The following DNAH5 variants were observed in gnomAD, a reference collection of about 807,000 sequenced individuals.
The protein encoded by DNAH5 is dynein axonemal heavy chain 5.
In DNAH5, 372 loss-of-function variants were observed where a neutral mutation model predicts 518.2. That is an observed-to-expected ratio of 0.72 (90% confidence interval 0.66 to 0.78). DNAH5 has a LOEUF of 0.78. DNAH5 is among the 30% of genes least tolerant of loss of function. The pLI is 0.00. For missense variants in DNAH5, 5,523 were observed against 5,687.0 expected (o/e 0.97, Z 0.93); for synonymous variants, 2,039 against 2,025.9 (o/e 1.01, Z -0.17).
At chr5:13,901,608 T>A (rs537598973) in intron 13 of DNAH5, 35 bp from the exon 14 acceptor site, 2 of 1,348,004 alleles carry the variant, frequency 1.5e-6, no homozygotes, top group East Asian at 4.9e-5. Flanking sequence ...CTTGAATTAA[T>A]GGAATAAAAT....
At chr5:13,794,137 A>G in intron 47 of DNAH5, 79 bp from the exon 48 acceptor site, 2 of 1,583,048 alleles carry the variant, frequency 1.3e-6, no homozygotes, top group Non-Finnish European at 1.7e-6. Context: ...AACAACAAAA[A>G]CTGGTAACCT....
rs6885732 is a variant in DNAH5 at position 13,920,789 on chromosome 5, T to C, written c.661-172A>G. ...TTTGTCCACGCTGCCCCCAGACTGA[T>C]GGGACCTTCCAACACTTCCCTGTGA... On this transcript the variant is annotated intron_variant, in intron 5 of 78. Coordinates refer to ENST00000265104, the MANE Select transcript of DNAH5 (RefSeq NM_001369.3). 0.45 allele frequency among the ~76,000 whole-genome samples: 67,598 copies of C among 151,866 alleles called. 15,982 individuals carry two copies. Among genetic ancestry groups the C allele is most frequent in the East Asian group, 0.85 (4,394 of 5,160 alleles).
intron 29 of DNAH5, among the ~76,000 whole-genome samples, chr5:13,859,965 A>T (rs1353655406): frequency 6.6e-6 from 1 of 152,156 alleles, no homozygotes; most frequent in Non-Finnish European, 1.5e-5. Context: ...TATTTCATGG[A>T]GTCTCTGGTT....
chr5:13,769,191 G>A, intron 57 of DNAH5, 55 bp from the exon 58 acceptor site: 1 of 1,566,890 alleles, frequency 6.4e-7, no homozygotes, highest in Non-Finnish European at 8.8e-7. Context: ...ACATCCAGCT[G>A]AAAATGCACA....
chr5:13,924,638 G>T (rs1561584695), intron 3 of DNAH5, among the ~76,000 whole-genome samples: 2 of 148,324 alleles, frequency 1.3e-5, no homozygotes, highest in African/African-American at 5.0e-5. Context: ...TCACACCATT[G>T]CACTCTAGGC....
chr5:13,841,571 T>C (rs1191872707), intron 33 of DNAH5, 121 bp downstream of exon 33: 2 of 767,098 alleles, frequency 2.6e-6, no homozygotes, highest in Non-Finnish European at 4.4e-6. Flanking sequence ...TGGGTCCTTA[T>C]GAAAATCTTA....
Position 13,805,657 on chromosome 5 carries a change from C to T in DNAH5, c.7887+1934G>A, listed in dbSNP as rs141695900. ...CCTGGAAGGTAGCACATCCTGAGGA[C>T]AGGGAAGGTTTGCATTTGAGACCCT... On this transcript the variant is annotated intron_variant, in intron 47 of 78. Coordinates refer to ENST00000265104, the MANE Select transcript of DNAH5 (RefSeq NM_001369.3). 6.9e-4 allele frequency among the ~76,000 whole-genome samples: 105 copies of T among 152,288 alleles called. 3 individuals carry two copies. In the East Asian group the frequency reaches 0.019, roughly 27 times the overall value.
intron 3 of DNAH5, among the ~76,000 whole-genome samples, chr5:13,926,394 C>T (rs1233879483): frequency 6.6e-6 from 1 of 152,200 alleles, no homozygotes; most frequent in African/African-American, 2.4e-5. Context: ...CTTACCTCTG[C>T]CCTGCCTCTG....
At chr5:13,986,859 T>C (rs1166220495) in intron 1 of DNAH5, among the ~76,000 whole-genome samples, 1 of 152,208 alleles carries the variant, frequency 6.6e-6, no homozygotes, top group African/African-American at 2.4e-5. Context: ...CCTCTATAGA[T>C]TCCTGCAAGC....
chr5:13,711,021 G>A (rs184251161), intron 75 of DNAH5, among the ~76,000 whole-genome samples: 2 of 152,136 alleles, frequency 1.3e-5, no homozygotes. Flanking sequence ...ATTCTATGAA[G>A]CCAGCATCAC....
intron 76 of DNAH5, among the ~76,000 whole-genome samples, chr5:13,706,694 A>G (rs1376111328): frequency 6.6e-6 from 1 of 152,216 alleles, no homozygotes; most frequent in African/African-American, 2.4e-5. Context: ...TCCTACTTAC[A>G]AAGACACTCA....
intron 51 of DNAH5, among the ~76,000 whole-genome samples, chr5:13,787,557 A>G (rs543264110): frequency 3.3e-5 from 5 of 152,166 alleles, no homozygotes; most frequent in Non-Finnish European, 7.3e-5. Context: ...ATAGTGTTTC[A>G]ATGACACAAA....
intron 35 of DNAH5, among the ~76,000 whole-genome samples, chr5:13,835,770 T>G (rs1168986512): frequency 2.0e-5 from 3 of 152,126 alleles, no homozygotes; most frequent in African/African-American, 7.2e-5. Context: ...TCCCTCTGTC[T>G]CTGTACTGGG....
chr5:13,754,095 G>A, intron 62 of DNAH5, 108 bp downstream of exon 62: 1 of 1,300,704 alleles, frequency 7.7e-7, no homozygotes, highest in Non-Finnish European at 1.1e-6. Context: ...TGTTACATAT[G>A]TATACATGCG....
At chr5:13,963,375 C>T (rs1044877367) in intron 1 of DNAH5, among the ~76,000 whole-genome samples, 2 of 152,030 alleles carry the variant, frequency 1.3e-5, no homozygotes, top group East Asian at 1.9e-4. Context: ...GTCAGGAGTT[C>T]GAGACCAGCC....
Position 13,900,270 on chromosome 5 carries a change from G to C in DNAH5, c.2195C>G (p.Ser732Cys). ...ECMAQMGLEV[S>C]PLATSLFQKR... ...CTGGAAGAGGGAAGTTGCCAGTGGA[G>C]AGACTTCCAGACCCATCTGGGCCAT... Residue 732 changes from serine to cysteine, a missense_variant, in exon 15 of 79, where the codon TCT becomes TGT. By Grantham distance (112) the Ser-to-Cys change is moderately radical. Coordinates refer to ENST00000265104, the MANE Select transcript of DNAH5 (RefSeq NM_001369.3). The C allele has an allele frequency of 1.9e-6, 3 of 1,614,146 alleles. No homozygotes were observed. Among genetic ancestry groups the C allele is most frequent in the Non-Finnish European group, 2.5e-6 (3 of 1,180,000 alleles).
chr5:13,848,096 A>T lies in DNAH5; in HGVS notation c.5114+2556T>A, dbSNP rs543249716. 5.9e-5 allele frequency among the ~76,000 whole-genome samples: 9 copies of T among 152,334 alleles called. No homozygotes were observed. The South Asian group carries it at 1.9e-3, about 32-fold the overall frequency. ...CTGCATTTGGTCATGCTAAATAATT[A>T]TTAGGCTAAATGGAATGGCGCAGCA... On this transcript the variant is annotated intron_variant, in intron 31 of 78. Coordinates refer to ENST00000265104, the MANE Select transcript of DNAH5 (RefSeq NM_001369.3).
intron 22 of DNAH5, among the ~76,000 whole-genome samples, chr5:13,874,207 T>C (rs963051547): frequency 2.0e-5 from 3 of 152,196 alleles, no homozygotes; most frequent in African/African-American, 7.2e-5. Flanking sequence ...TGTAGACATA[T>C]TCACATATGT....
chr5:14,002,129 C>T (rs561610860), intron 1 of DNAH5, among the ~76,000 whole-genome samples: 2 of 150,182 alleles, frequency 1.3e-5, no homozygotes, highest in East Asian at 4.0e-4. Context: ...AATCTCCTGA[C>T]CTCGTGATCC....
Sources: gnomAD v4.1 joint callset for allele counts (sites outside exome capture counted in the v4.1 genomes callset) on GRCh38, gnomAD v4.1.1 for gene constraint, MANE v1.5 for transcripts, NCBI Gene and HGNC (gene_info 2026-07-23, HGNC 2026-07-21) for gene names.